ATP11C: variants seen among roughly 807,000 people sequenced by gnomAD.
ATP11C encodes the protein ATPase phospholipid transporting 11C (ATP11C blood group), also known as phospholipid-transporting ATPase IG.
ATP11C carries 36 observed loss-of-function variants against 97.4 expected under a neutral mutation model. That is an observed-to-expected ratio of 0.37 (90% CI 0.28 to 0.49). The LOEUF is 0.49. Ranked by LOEUF, ATP11C falls within the 20% of genes least tolerant of loss-of-function variation. The pLI, the probability that ATP11C is intolerant of heterozygous loss-of-function variation, is 0.98. For missense variants in ATP11C, 730 were observed against 824.6 expected, an observed-to-expected ratio of 0.89 and a Z score of 1.40; for synonymous variants, 275 against 290.9, an observed-to-expected ratio of 0.95 and a Z score of 0.56.
At chrX:139,784,833 C>T (rs2082540167) in intron 16 of ATP11C, among the ~76,000 whole-genome samples, 3 of 111,278 alleles carry the variant, frequency 2.7e-5, no homozygotes, top group African/African-American at 9.8e-5. Context: ...CAAGCAACTC[C>T]CTATACTCAA....
chrX:139,821,768 T>G (rs1299322153), intron 2 of ATP11C, among the ~76,000 whole-genome samples: 1 of 112,203 alleles, frequency 8.9e-6, no homozygotes, highest in African/African-American at 3.2e-5. Flanking sequence ...CACAGGTGCC[T>G]AGAACAATAG....
intron 15 of ATP11C, among the ~76,000 whole-genome samples, chrX:139,786,278 GTATT>G (rs994637959): frequency 4.5e-5 from 5 of 111,881 alleles, no homozygotes; most frequent in Admixed American, 9.5e-5. Context: ...TTTAAAAAAA[GTATT>G]TACTACATAG....
chrX:139,927,256 T>C (rs894470021), intron 1 of ATP11C, among the ~76,000 whole-genome samples: 8 of 111,556 alleles, frequency 7.2e-5, no homozygotes, highest in African/African-American at 2.6e-4. Context: ...AGGTGCTCAG[T>C]GAATATTTGC....
rs193229312 is a variant in ATP11C at position 139,775,690 on chromosome X, G to A, written c.1953-737C>T. On this transcript the variant is annotated intron_variant, in intron 18 of 29. Coordinates refer to ENST00000682941, the MANE Select transcript of ATP11C (RefSeq NM_001353812.2). ...CAATCTCCTGATCATCAAACTGCTG[G>A]GGAACCCCTCTGCCCTCCTTACCTA... Among the ~76,000 whole-genome samples, 243 of 112,511 alleles carry A rather than the reference G, an allele frequency of 2.2e-3. 1 individual carries two copies. Among genetic ancestry groups the A allele is most frequent in the Non-Finnish European group, 3.9e-3 (210 of 53,231 alleles).
At chrX:139,752,463 C>G (rs1398092729) in intron 23 of ATP11C, among the ~76,000 whole-genome samples, 2 of 111,759 alleles carry the variant, frequency 1.8e-5, no homozygotes, top group African/African-American at 6.5e-5. Context: ...CCTATGGAAC[C>G]ATAAGCAGTT....
intron 19 of ATP11C, among the ~76,000 whole-genome samples, chrX:139,772,325 AG>A (rs2082270082): frequency 8.9e-6 from 1 of 112,428 alleles, no homozygotes; most frequent in Non-Finnish European, 1.9e-5. Flanking sequence ...AGTTTGCTGC[AG>A]GGATGGGGCC....
At chrX:139,924,166 C>T (rs752398973) in intron 1 of ATP11C, 2 of 385,556 alleles carry the variant, frequency 5.2e-6, no homozygotes, top group Non-Finnish European at 1.0e-5. Flanking sequence ...AGAGAGGAAA[C>T]CAGCAAGTGT....
intron 1 of ATP11C, among the ~76,000 whole-genome samples, chrX:139,852,993 A>G (rs948694793): frequency 3.6e-5 from 4 of 110,959 alleles, no homozygotes; most frequent in African/African-American, 1.3e-4. Flanking sequence ...GCAAGGCAAG[A>G]CATCCCTGGT....
chrX:139,858,165 G>A (rs889317875), intron 1 of ATP11C, among the ~76,000 whole-genome samples: 2 of 112,894 alleles, frequency 1.8e-5, no homozygotes, highest in Admixed American at 9.3e-5. Context: ...TGGGCTTCCC[G>A]GCCTTTGAGA....
intron 18 of ATP11C, among the ~76,000 whole-genome samples, chrX:139,782,183 C>T (rs763500295): frequency 1.8e-5 from 2 of 108,987 alleles, no homozygotes; most frequent in African/African-American, 3.3e-5. Context: ...AAAAATTAGC[C>T]GGGCGTGGTG....
intron 1 of ATP11C, among the ~76,000 whole-genome samples, chrX:139,848,781 C>T (rs17328709): frequency 0.047 from 5,264 of 111,524 alleles, 233 homozygotes; most frequent in East Asian, 0.29. Flanking sequence ...TATTCTCTCA[C>T]TAGCCCTCTC....
At chrX:139,810,505 T>TA (rs2147820856) in intron 5 of ATP11C, among the ~76,000 whole-genome samples, 1 of 111,781 alleles carries the variant, frequency 8.9e-6, no homozygotes, top group East Asian at 2.8e-4. Flanking sequence ...AGAAATTACA[T>TA]AACAAACTTC....
In ATP11C at chrX:139,753,006, T is replaced by A. The variant is rs780570596; in HGVS notation, c.2701-2854A>T. ...TTCCCATTGAGAAGAATGCATTCTC[T>A]TAAAAATACTGCCAAAGAGACTTCA... On this transcript the variant is annotated intron_variant, in intron 23 of 29. Transcript: ENST00000682941. Among the ~76,000 whole-genome samples, 11 of 111,659 alleles carry A rather than the reference T, an allele frequency of 9.9e-5. No individual in the cohort carries two copies. In the South Asian group the frequency reaches 4.2e-3, roughly 43 times the overall value.
rs183495326 is a variant in ATP11C, at chrX:139,770,194, A to G, written c.2217-1760T>C. ...TATAGAGAAATACAAAGAATTATGG[A>G]CTAATCTTTTTATGGAGAATAGAAA... On this transcript the variant is annotated intron_variant, in intron 19 of 29. Coordinates refer to ENST00000682941, the MANE Select transcript of ATP11C (RefSeq NM_001353812.2). Among the ~76,000 whole-genome samples, 63 of 112,085 alleles carry G rather than the reference A, an allele frequency of 5.6e-4. 1 individual carries two copies. Among genetic ancestry groups the G allele is most frequent in the Admixed American group, 2.4e-3 (25 of 10,561 alleles).
intron 25 of ATP11C, 150 bp downstream of exon 25, chrX:139,745,571 TA>T: frequency 1.9e-6 from 1 of 513,921 alleles, no homozygotes; most frequent in Non-Finnish European, 3.0e-6. Flanking sequence ...TCTATTGTTC[TA>T]AAGAAGCTGT....
chrX:139,841,342 C>T (rs994860674), intron 1 of ATP11C, among the ~76,000 whole-genome samples: 1 of 112,314 alleles, frequency 8.9e-6, no homozygotes, highest in African/African-American at 3.2e-5. Flanking sequence ...CAGTAGTTTT[C>T]ATCCACACAC....
intron 2 of ATP11C, among the ~76,000 whole-genome samples, chrX:139,823,746 G>C (rs1210313262): frequency 1.8e-5 from 2 of 111,806 alleles, no homozygotes; most frequent in Non-Finnish European, 3.8e-5. Flanking sequence ...AACTCTTCTG[G>C]ACATTAGCCT....
At chrX:139,815,599 A>G (rs1401380041) in intron 4 of ATP11C, among the ~76,000 whole-genome samples, 2 of 112,237 alleles carry the variant, frequency 1.8e-5, no homozygotes, top group East Asian at 2.8e-4. Flanking sequence ...AAGTAATCAG[A>G]GAAAGATCTA....
chrX:139,810,770 CAT>C (rs2083153791), intron 5 of ATP11C, among the ~76,000 whole-genome samples: 1 of 111,136 alleles, frequency 9.0e-6, no homozygotes, highest in African/African-American at 3.3e-5. Context: ...TGCCCCAATC[CAT>C]ATGTTTTCAC....
Sources: gnomAD v4.1 joint callset for allele counts (sites outside exome capture counted in the v4.1 genomes callset) on GRCh38, gnomAD v4.1.1 for gene constraint, MANE v1.5 for transcripts, NCBI Gene and HGNC (gene_info 2026-07-23, HGNC 2026-07-21) for gene names.